Variants in LONP2 observed in about 807,000 individuals in gnomAD.
LONP2 encodes lon protease homolog 2, peroxisomal.
A neutral mutation model predicts 85.6 loss-of-function variants in LONP2; 60 were observed. The observed-to-expected ratio is 0.70, with a 90% confidence interval of 0.57 to 0.87. The LOEUF is 0.87. Among genes scored for constraint, LONP2 ranks in the 40% least tolerant of loss-of-function variants. The probability of loss-of-function intolerance (pLI) is 0.00; values close to 1 mark genes in which losing one functional copy is unlikely to be tolerated. For missense variants in LONP2, 860 were observed against 1,063.5 expected, an observed-to-expected ratio of 0.81 and a Z score of 2.66; for synonymous variants, 395 against 389.7, an observed-to-expected ratio of 1.01 and a Z score of -0.16.
At chr16:48,327,374 G>A (rs966250587) in intron 11 of LONP2, among the ~76,000 whole-genome samples, 16 of 152,300 alleles carry the variant, frequency 1.1e-4, no homozygotes, top group Admixed American at 5.9e-4. Flanking sequence ...GTGGGATGAA[G>A]CAGAGCTAGC....
downstream of LONP2, chr16:48,361,526 T>G: frequency 6.3e-7 from 1 of 1,585,078 alleles, no homozygotes; most frequent in Admixed American, 1.7e-5. Flanking sequence ...GGGTGCCTTA[T>G]TTTCTGTGAA....
At chr16:48,340,713 C>T (rs551092156) in intron 12 of LONP2, among the ~76,000 whole-genome samples, 5 of 152,230 alleles carry the variant, frequency 3.3e-5, no homozygotes, top group Non-Finnish European at 5.9e-5. Context: ...TAAATCCCAG[C>T]GCTTTGGGAG....
chr16:48,315,547 T>G (rs1371594770), intron 11 of LONP2, among the ~76,000 whole-genome samples: 1 of 152,178 alleles, frequency 6.6e-6, no homozygotes, highest in Non-Finnish European at 1.5e-5. Flanking sequence ...GGGCAGAATC[T>G]TCAGGAACCT....
chr16:48,331,617 T>C (rs921373706), intron 11 of LONP2, among the ~76,000 whole-genome samples: 1 of 150,110 alleles, frequency 6.7e-6, no homozygotes, highest in Non-Finnish European at 1.5e-5. Flanking sequence ...CAGGCTGGAG[T>C]GCAGTGGCGC....
At chr16:48,248,242 C>T (rs1401525686) in intron 1 of LONP2, among the ~76,000 whole-genome samples, 2 of 151,944 alleles carry the variant, frequency 1.3e-5, no homozygotes, top group East Asian at 1.9e-4. Flanking sequence ...TCACCTCAGC[C>T]TCCTGAGTGT....
chr16:48,341,012 C>T (rs1465427876), intron 12 of LONP2, among the ~76,000 whole-genome samples: 6 of 151,514 alleles, frequency 4.0e-5, no homozygotes, highest in African/African-American at 1.5e-4. Flanking sequence ...AGCATAGCTC[C>T]AGCATTAGGC....
intron 8 of LONP2, among the ~76,000 whole-genome samples, chr16:48,287,809 G>A (rs1209452811): frequency 1.3e-5 from 2 of 152,326 alleles, no homozygotes; most frequent in Non-Finnish European, 2.9e-5. Flanking sequence ...AAGTTAGTAT[G>A]TAGCATTCTG....
chr16:48,253,074 T>C (rs1971687366), intron 2 of LONP2, among the ~76,000 whole-genome samples: 1 of 152,212 alleles, frequency 6.6e-6, no homozygotes, highest in Non-Finnish European at 1.5e-5. Flanking sequence ...CTACTGATCA[T>C]TGAAATATGT....
intron 2 of LONP2, among the ~76,000 whole-genome samples, chr16:48,255,663 G>A (rs1455534749): frequency 6.6e-6 from 1 of 151,906 alleles, no homozygotes; most frequent in Non-Finnish European, 1.5e-5. Context: ...GTCAGGGGGC[G>A]GTGCCAGGTG....
At chr16:48,360,786 T>TA (rs1960552853), downstream of LONP2, 1 of 152,440 alleles carries the variant, frequency 6.6e-6, no homozygotes, top group Admixed American at 6.5e-5. Context: ...TTTCAAAGAT[T>TA]AAGCTCAAAG....
At chr16:48,265,122 TATC>T (rs1971964119) in intron 6 of LONP2, among the ~76,000 whole-genome samples, 1 of 152,232 alleles carries the variant, frequency 6.6e-6, no homozygotes, top group South Asian at 2.1e-4. Flanking sequence ...ATTAACCCCT[TATC>T]AGAAATATGG....
intron 4 of LONP2, among the ~76,000 whole-genome samples, chr16:48,260,541 G>A (rs1163654940): frequency 6.6e-6 from 1 of 152,240 alleles, no homozygotes; most frequent in East Asian, 1.9e-4. Context: ...TGAGGCTGCA[G>A]TAAGCAGTGT....
chr16:48,291,923 A>G (rs1972564550), intron 8 of LONP2, among the ~76,000 whole-genome samples: 1 of 152,210 alleles, frequency 6.6e-6, no homozygotes, highest in Non-Finnish European at 1.5e-5. Flanking sequence ...CCAGTTTAGA[A>G]GTTTATTTTG....
At chr16:48,308,844 A>T (rs1972969175) in intron 11 of LONP2, among the ~76,000 whole-genome samples, 1 of 152,164 alleles carries the variant, frequency 6.6e-6, no homozygotes, top group South Asian at 2.1e-4. Context: ...CAGCAAAAGA[A>T]ACAACAGAGT....
chr16:48,360,531 T>C (rs1960541693), downstream of LONP2: 1 of 152,670 alleles, frequency 6.6e-6, no homozygotes, highest in Admixed American at 6.5e-5. Context: ...CACAGTAAGA[T>C]TTTTTTAATT....
chr16:48,337,151 G>A (rs550172606), intron 12 of LONP2, among the ~76,000 whole-genome samples: 1 of 152,366 alleles, frequency 6.6e-6, no homozygotes, highest in African/African-American at 2.4e-5. Flanking sequence ...AGTTGGTAGA[G>A]TTAGGATTCA....
intron 11 of LONP2, among the ~76,000 whole-genome samples, chr16:48,323,518 T>A (rs1230996945): frequency 6.6e-6 from 1 of 152,004 alleles, no homozygotes; most frequent in Non-Finnish European, 1.5e-5. Context: ...TAGCCAGGTG[T>A]GGTGGTGCAC....
In LONP2 at chr16:48,334,365, C is replaced by T. The variant is rs1959572336; in HGVS notation, c.1938+7C>T. The T allele has an allele frequency of 6.2e-7, 1 of 1,613,936 alleles. No individual in the cohort carries two copies. Among genetic ancestry groups the T allele is most frequent in the Non-Finnish European group, 8.5e-7 (1 of 1,179,992 alleles). On this transcript the variant is annotated splice_region_variant and intron_variant, in intron 12 of 14. Coordinates refer to ENST00000285737, the MANE Select transcript of LONP2 (RefSeq NM_031490.5). ...CCCGATGTATGAAATGGAGGTGATTCATTCTTTTTATTTCTTTTTGCTCCA... is the reference window on the plus strand; with the variant it reads ...CCCGATGTATGAAATGGAGGTGATTTATTCTTTTTATTTCTTTTTGCTCCA...
At chr16:48,329,531 T>G (rs1959369186) in intron 11 of LONP2, among the ~76,000 whole-genome samples, 2 of 152,208 alleles carry the variant, frequency 1.3e-5, no homozygotes, top group Non-Finnish European at 2.9e-5. Flanking sequence ...AGTATTGTTG[T>G]AAATCTCTTA....
Sources: gnomAD v4.1 joint callset for allele counts (sites outside exome capture counted in the v4.1 genomes callset) on GRCh38, gnomAD v4.1.1 for gene constraint, MANE v1.5 for transcripts, NCBI Gene and HGNC (gene_info 2026-07-23, HGNC 2026-07-21) for gene names.